LINGO2: variants seen among roughly 807,000 people sequenced by gnomAD.
LINGO2 encodes the protein leucine-rich repeat and immunoglobulin-like domain-containing nogo receptor-interacting protein 2.
LINGO2 carries 14 observed loss-of-function variants against 30.6 expected under a neutral mutation model. That is an observed-to-expected ratio of 0.46 (90% CI 0.30 to 0.72). The LOEUF is 0.72. Among genes scored for constraint, LINGO2 ranks in the 30% least tolerant of loss-of-function variants. LINGO2 has a pLI of 0.07. For missense variants in LINGO2, 729 were observed against 751.7 expected (o/e 0.97, Z 0.35); for synonymous variants, 317 against 288.5 (o/e 1.10, Z -1.00).
chr9:28,312,593 C>T (rs1354352251), intron 3 of LINGO2, among the ~76,000 whole-genome samples: 5 of 152,084 alleles, frequency 3.3e-5, no homozygotes, highest in Non-Finnish European at 4.4e-5. Context: ...AATTAAGGCA[C>T]TAGTAGTATT....
At chr9:28,958,720 G>A in the LINGO2 span, among the ~76,000 whole-genome samples, 4 of 152,058 alleles carry the variant, frequency 2.6e-5, no homozygotes, top group Admixed American at 6.6e-5. Context: ...GAGAAAAAAG[G>A]AGAGAAGGGG....
intron 5 of LINGO2, among the ~76,000 whole-genome samples, chr9:27,967,786 T>A (rs537490741): frequency 9.2e-5 from 14 of 152,272 alleles, no homozygotes; most frequent in Middle Eastern, 3.4e-3. Context: ...GTTAATGTAA[T>A]CCTTTTCCAG....
At chr9:28,651,858 CA>C in intron 1 of LINGO2, among the ~76,000 whole-genome samples, 2 of 152,276 alleles carry the variant, frequency 1.3e-5, no homozygotes, top group East Asian at 3.9e-4. Context: ...CAACCTCCGA[CA>C]ATTCATCACC....
At chr9:28,315,884 T>C (rs1587454033) in intron 3 of LINGO2, among the ~76,000 whole-genome samples, 1 of 152,156 alleles carries the variant, frequency 6.6e-6, no homozygotes, top group African/African-American at 2.4e-5. Context: ...AGCGTAAGAT[T>C]TGTGAATATG....
chr9:29,061,093 G>GA, the LINGO2 span, among the ~76,000 whole-genome samples: 3 of 151,772 alleles, frequency 2.0e-5, no homozygotes, highest in African/African-American at 7.2e-5. Flanking sequence ...AATCAAGCTG[G>GA]AAAAAAATGT....
At chr9:28,596,687 T>G (rs994789991) in intron 1 of LINGO2, among the ~76,000 whole-genome samples, 3 of 152,218 alleles carry the variant, frequency 2.0e-5, no homozygotes, top group Non-Finnish European at 4.4e-5. Flanking sequence ...TTCTCAACAA[T>G]GTATGATATC....
intron 4 of LINGO2, among the ~76,000 whole-genome samples, chr9:28,258,921 C>A (rs199805115): frequency 1.5e-4 from 22 of 146,310 alleles, no homozygotes; most frequent in African/African-American, 1.0e-4. Context: ...TTTCATAAGT[C>A]AAAAAAAAAA....
intron 4 of LINGO2, among the ~76,000 whole-genome samples, chr9:28,075,115 A>G (rs1331883467): frequency 6.6e-6 from 1 of 151,938 alleles, no homozygotes; most frequent in East Asian, 1.9e-4. Flanking sequence ...AGAACTTTTT[A>G]TCATTCCCTG....
At chr9:29,071,560 C>A in the LINGO2 span, among the ~76,000 whole-genome samples, 1 of 142,680 alleles carries the variant, frequency 7.0e-6, no homozygotes. Flanking sequence ...AAGCAGAATT[C>A]CACTGGAATT....
chr9:28,251,488 G>A (rs946679557), intron 4 of LINGO2, among the ~76,000 whole-genome samples: 1 of 152,074 alleles, frequency 6.6e-6, no homozygotes, highest in African/African-American at 2.4e-5. Flanking sequence ...TCTTATTTGA[G>A]GATTAGTTGT....
At chr9:28,005,090 C>T (rs1587669239) in intron 5 of LINGO2, among the ~76,000 whole-genome samples, 1 of 152,140 alleles carries the variant, frequency 6.6e-6, no homozygotes, top group Non-Finnish European at 1.5e-5. Context: ...ACAGTTGTTT[C>T]CTTCCCTTGG....
chr9:28,669,359 A>G (rs759000865), intron 1 of LINGO2, among the ~76,000 whole-genome samples: 1 of 152,104 alleles, frequency 6.6e-6, no homozygotes, highest in Non-Finnish European at 1.5e-5. Flanking sequence ...AGCCTTCATG[A>G]GGACACAAGT....
At chr9:29,195,214 C>T in the LINGO2 span, among the ~76,000 whole-genome samples, 2 of 152,108 alleles carry the variant, frequency 1.3e-5, no homozygotes, top group African/African-American at 2.4e-5. Flanking sequence ...CTCTTTTTAT[C>T]GCTGAGTTGT....
chr9:28,037,697 A>G (rs964505350), intron 4 of LINGO2, among the ~76,000 whole-genome samples: 1 of 152,200 alleles, frequency 6.6e-6, no homozygotes, highest in African/African-American at 2.4e-5. Flanking sequence ...CATGGAAGGG[A>G]CTCAATGAAC....
the LINGO2 span, among the ~76,000 whole-genome samples, chr9:29,087,337 G>C: frequency 6.6e-6 from 1 of 152,176 alleles, no homozygotes; most frequent in African/African-American, 2.4e-5. Context: ...AAATATAGCA[G>C]AGTTCTTGAA....
chr9:29,076,294 T>C, the LINGO2 span, among the ~76,000 whole-genome samples: 96 of 152,136 alleles, frequency 6.3e-4, 1 homozygote, highest in Middle Eastern at 3.4e-3. Flanking sequence ...CCATTATCTA[T>C]ATATATTTGC....
the LINGO2 span, among the ~76,000 whole-genome samples, chr9:28,886,236 A>G: frequency 6.6e-6 from 1 of 152,190 alleles, no homozygotes; most frequent in South Asian, 2.1e-4. Flanking sequence ...CAGAGAAGAT[A>G]AAACATTGAT....
At chr9:28,380,403 T>TTTTTC (rs1554713845) in intron 2 of LINGO2, among the ~76,000 whole-genome samples, 10,931 of 150,306 alleles carry the variant, frequency 0.073, 569 homozygotes, top group Admixed American at 0.13. Flanking sequence ...TTTTTTTTTT[T>TTTTTC]CCAATGGTAA....
chr9:27,969,679 C>A (rs918644800), intron 5 of LINGO2, among the ~76,000 whole-genome samples: 2 of 152,050 alleles, frequency 1.3e-5, no homozygotes, highest in African/African-American at 4.8e-5. Flanking sequence ...CTTTCTGGCT[C>A]TAAAGTCCTA....
Sources: allele counts gnomAD v4.1 joint callset (sites outside exome capture counted in the v4.1 genomes callset), GRCh38; gene constraint gnomAD v4.1.1; transcripts MANE v1.5; gene names NCBI Gene and HGNC (gene_info 2026-07-23, HGNC 2026-07-21).